Variants in DOCK8 observed in about 807,000 individuals in gnomAD.
DOCK8 encodes dedicator of cytokinesis 8.
In DOCK8, 141 loss-of-function variants were observed where a neutral mutation model predicts 245.6. The ratio of observed to expected loss-of-function variants is 0.57; its 90% confidence interval spans 0.50 to 0.66. The LOEUF (loss-of-function observed/expected upper bound fraction) is 0.66. DOCK8 is among the 30% of genes least tolerant of loss of function. The probability of loss-of-function intolerance (pLI) is 0.00; values close to 1 mark genes in which losing one functional copy is unlikely to be tolerated. For missense variants in DOCK8, 2,965 were observed against 2,603.4 expected (o/e 1.14, Z -3.02); for synonymous variants, 1,168 against 970.2 (o/e 1.20, Z -3.79).
At position 447,081 on chromosome 9, in the gene DOCK8, T is replaced by A. The variant is rs1015427660; in HGVS notation, c.5817+475T>A. The stretch of plus-strand genomic sequence containing the variant: ...GGCCGTGTAAGGTAGACAAGTTCAC[T>A]GACTAGCTTCTAGTCCTAGCTTCCT... On this transcript the variant is annotated intron_variant, in intron 44 of 47. Transcript: ENST00000432829. Among the ~76,000 whole-genome samples, 11 of 152,184 alleles carry A rather than the reference T, an allele frequency of 7.2e-5. No homozygotes were observed. In the East Asian group the frequency reaches 1.9e-3, roughly 27 times the overall value.
At chr9:294,168 T>G (rs1029018282) in intron 4 of DOCK8, among the ~76,000 whole-genome samples, 4 of 152,218 alleles carry the variant, frequency 2.6e-5, no homozygotes, top group Non-Finnish European at 5.9e-5. Context: ...ATTCAAAGGG[T>G]GAAGGAATGT....
chr9:365,543 C>T, intron 14 of DOCK8: 1 of 443,832 alleles, frequency 2.3e-6, no homozygotes, highest in South Asian at 1.6e-5. Flanking sequence ...AAGTCTACTG[C>T]TAGTCATAAA....
chr9:359,338 C>T (rs10972266), intron 14 of DOCK8, among the ~76,000 whole-genome samples: 38,900 of 152,082 alleles, frequency 0.26, 5,191 homozygotes, highest in Middle Eastern at 0.31. Flanking sequence ...TGCTGTGTTA[C>T]CTGGTACAAG....
At chr9:347,954 A>G (rs1412906675) in intron 14 of DOCK8, among the ~76,000 whole-genome samples, 1 of 152,212 alleles carries the variant, frequency 6.6e-6, no homozygotes, top group Non-Finnish European at 1.5e-5. Context: ...AAACATATGA[A>G]GTCGTGATTT....
At chr9:285,072 C>T (rs2048758793) in intron 2 of DOCK8, among the ~76,000 whole-genome samples, 1 of 152,034 alleles carries the variant, frequency 6.6e-6, no homozygotes, top group African/African-American at 2.4e-5. Flanking sequence ...CAAACCTTCA[C>T]ATGTACCCCC....
intron 1 of DOCK8, among the ~76,000 whole-genome samples, chr9:247,503 C>G (rs1290256440): frequency 6.6e-6 from 1 of 152,052 alleles, no homozygotes; most frequent in Non-Finnish European, 1.5e-5. Flanking sequence ...CTAGTAAATG[C>G]TGGCCACTGT....
At chr9:385,033 C>G (rs1415740389) in intron 22 of DOCK8, among the ~76,000 whole-genome samples, 2 of 152,188 alleles carry the variant, frequency 1.3e-5, no homozygotes, top group East Asian at 3.8e-4. Flanking sequence ...TTTTGACTTA[C>G]AAAAATCAGT....
intron 26 of DOCK8, among the ~76,000 whole-genome samples, chr9:403,890 CTCTATA>C (rs1207938901): frequency 6.4e-4 from 51 of 80,180 alleles, no homozygotes; most frequent in African/African-American, 1.7e-3. Context: ...CTCTCTCTCT[CTCTATA>C]TATATATATA....
At chr9:463,788 A>C in intron 47 of DOCK8, 101 bp downstream of exon 47, 1 of 1,403,986 alleles carries the variant, frequency 7.1e-7, no homozygotes, top group Non-Finnish European at 1.0e-6. Flanking sequence ...GAGCTGCAGA[A>C]CCTCGAAAGG....
At chr9:340,040 T>C in intron 13 of DOCK8, 119 bp from the exon 14 acceptor site, 1 of 1,198,982 alleles carries the variant, frequency 8.3e-7, no homozygotes, top group Non-Finnish European at 1.2e-6. Flanking sequence ...TCCAAAACTT[T>C]TTTACAGTAC....
intron 4 of DOCK8, among the ~76,000 whole-genome samples, chr9:296,594 G>A (rs571150989): frequency 2.6e-5 from 4 of 152,210 alleles, no homozygotes; most frequent in African/African-American, 9.6e-5. Flanking sequence ...CCAGTGAAGT[G>A]GTAAACAATT....
intron 1 of DOCK8, among the ~76,000 whole-genome samples, chr9:239,569 G>C (rs4524908): frequency 6.6e-6 from 1 of 152,190 alleles, no homozygotes; most frequent in African/African-American, 2.4e-5. Flanking sequence ...TCAGGGATTA[G>C]AGACCTGCAA....
intron 2 of DOCK8, among the ~76,000 whole-genome samples, chr9:286,015 G>A (rs191415848): frequency 6.6e-6 from 1 of 152,276 alleles, no homozygotes; most frequent in Non-Finnish European, 1.5e-5. Flanking sequence ...AAGAAACACT[G>A]TGCCTAAACA....
chr9:335,065 G>C (rs78880239), intron 11 of DOCK8, among the ~76,000 whole-genome samples: 5,110 of 152,114 alleles, frequency 0.034, 294 homozygotes, highest in African/African-American at 0.12. Flanking sequence ...CTGGGCAACA[G>C]AGCATGACTT....
chr9:429,698 C>G lies in DOCK8; in HGVS notation c.4474-4C>G, dbSNP rs1287757997. On this transcript the variant is annotated splice_region_variant and splice_polypyrimidine_tract_variant and intron_variant, in intron 35 of 47. Transcript: ENST00000432829. ...TGCCTAATGGCCCTTTATGTCTCTC[C>G]TAGTTTGGAGACTTACTCTTTGAAG... 6.2e-7 allele frequency: 1 copy of G among 1,614,182 alleles called. No homozygotes were observed. Among genetic ancestry groups the G allele is most frequent in the South Asian group, 1.1e-5 (1 of 91,088 alleles).
chr9:276,311 A>G (rs2048344568), intron 2 of DOCK8, among the ~76,000 whole-genome samples: 1 of 152,230 alleles, frequency 6.6e-6, no homozygotes. Context: ...AAGACCACTT[A>G]CTAACCCTAC....
intron 43 of DOCK8, among the ~76,000 whole-genome samples, chr9:445,944 C>G (rs1292486981): frequency 3.3e-5 from 5 of 152,360 alleles, no homozygotes; most frequent in South Asian, 2.1e-4. Context: ...ACAGCTCTAG[C>G]TGATCTCCAT....
At chr9:332,728 GC>G (rs1341807186) in intron 10 of DOCK8, among the ~76,000 whole-genome samples, 1 of 134,598 alleles carries the variant, frequency 7.4e-6, no homozygotes, top group Non-Finnish European at 1.5e-5. Flanking sequence ...TGCAATCACG[GC>G]CCCCTACAAC....
At chr9:413,967 C>T (rs1408193221) in intron 28 of DOCK8, among the ~76,000 whole-genome samples, 1 of 152,086 alleles carries the variant, frequency 6.6e-6, no homozygotes, top group South Asian at 2.1e-4. Context: ...GATGGTGAAA[C>T]CCTGTCTCTA....
Sources: allele counts gnomAD v4.1 joint callset (sites outside exome capture counted in the v4.1 genomes callset), GRCh38; gene constraint gnomAD v4.1.1; transcripts MANE v1.5; gene names NCBI Gene and HGNC (gene_info 2026-07-23, HGNC 2026-07-21).